SNTG1: variants seen among roughly 807,000 people sequenced by gnomAD.
SNTG1 encodes syntrophin gamma 1.
Under a neutral mutation model 74.7 loss-of-function variants are expected in SNTG1, and 39 were observed. The ratio of observed to expected loss-of-function variants is 0.52; its 90% CI spans 0.40 to 0.68. SNTG1 has a LOEUF of 0.68. SNTG1 is among the 30% of genes least tolerant of loss of function. The probability of loss-of-function intolerance (pLI) is 0.00; values close to 1 mark genes in which losing one functional copy is unlikely to be tolerated. For missense variants in SNTG1, 685 were observed against 609.5 expected (o/e 1.12, Z -1.30); for synonymous variants, 254 against 217.1 (o/e 1.17, Z -1.49).
At chr8:49,943,410 T>A (rs867928230) in intron 1 of SNTG1, among the ~76,000 whole-genome samples, 3 of 152,242 alleles carry the variant, frequency 2.0e-5, no homozygotes, top group Non-Finnish European at 4.4e-5. Flanking sequence ...AGTGCTAATA[T>A]TTTAGGATAA....
chr8:50,670,811 AC>A (rs1449147140), intron 15 of SNTG1, among the ~76,000 whole-genome samples: 1 of 150,978 alleles, frequency 6.6e-6, no homozygotes, highest in Non-Finnish European at 1.5e-5. Flanking sequence ...GGCTACAGTA[AC>A]CAAAACAGCA....
At chr8:50,658,756 T>A in intron 15 of SNTG1, 93 bp downstream of exon 15, 3 of 769,422 alleles carry the variant, frequency 3.9e-6, no homozygotes, top group Non-Finnish European at 4.2e-6. Context: ...AAATCATTCA[T>A]GGAATGAAAG....
chr8:50,229,408 T>C (rs1323948502), intron 2 of SNTG1, among the ~76,000 whole-genome samples: 6 of 151,422 alleles, frequency 4.0e-5, no homozygotes, highest in Admixed American at 2.6e-4. Context: ...GAGAAAGATA[T>C]ACTTTACTAA....
intron 1 of SNTG1, among the ~76,000 whole-genome samples, chr8:49,926,154 T>A (rs1203028829): frequency 6.6e-6 from 1 of 152,130 alleles, no homozygotes; most frequent in Admixed American, 6.6e-5. Context: ...GAAATTAATG[T>A]AAAATTTAAA....
chr8:50,096,604 TA>T (rs899464221), intron 1 of SNTG1, among the ~76,000 whole-genome samples: 2 of 152,216 alleles, frequency 1.3e-5, no homozygotes, highest in Non-Finnish European at 2.9e-5. Context: ...TTCATAATAT[TA>T]CCTACTGTCA....
chr8:50,339,583 T>G (rs996022603), intron 2 of SNTG1, among the ~76,000 whole-genome samples: 11 of 151,984 alleles, frequency 7.2e-5, no homozygotes, highest in African/African-American at 2.7e-4. Flanking sequence ...AGTCTTATAT[T>G]AGTTTTAAAT....
rs148870591 is a variant in SNTG1, at chr8:50,374,349, G to A, written c.-27-19863G>A. Among the ~76,000 whole-genome samples, 33 of 152,310 alleles carry A rather than the reference G, an allele frequency of 2.2e-4. 1 individual carries two copies. The East Asian group carries it at 4.1e-3, about 19-fold the overall frequency. ...CTGGAAGAAAGAGCATAATAACTAA[G>A]TAAATTCTGTTTAATAAAACTATAT... On this transcript the variant is annotated intron_variant, in intron 2 of 18. Coordinates refer to ENST00000642720, the MANE Select transcript of SNTG1 (RefSeq NM_018967.5).
At chr8:49,917,410 TC>T (rs1806144877) in intron 1 of SNTG1, among the ~76,000 whole-genome samples, 2 of 152,172 alleles carry the variant, frequency 1.3e-5, no homozygotes, top group Non-Finnish European at 2.9e-5. Context: ...AGACTTAAGT[TC>T]GAATCCTGTT....
rs115943155 is a variant in SNTG1 at position 50,224,767 on chromosome 8, A to C, written c.-28+52132A>C. 2.1e-3 allele frequency among the ~76,000 whole-genome samples: 318 copies of C among 152,228 alleles called. 1 individual carries two copies. Among genetic ancestry groups the C allele is most frequent in the African/African-American group, 7.3e-3 (303 of 41,550 alleles). ...GCATTAACATTGAAACAGAGACCTT[A>C]AGACTAACAAAGCAGACTCTGTAGC... On this transcript the variant is annotated intron_variant, in intron 2 of 18. Coordinates refer to ENST00000642720, the MANE Select transcript of SNTG1 (RefSeq NM_018967.5).
At chr8:50,071,957 GA>G (rs2131008460) in intron 1 of SNTG1, among the ~76,000 whole-genome samples, 1 of 152,110 alleles carries the variant, frequency 6.6e-6, no homozygotes, top group South Asian at 2.1e-4. Context: ...TTCCATTAAA[GA>G]ATACTATTTT....
intron 13 of SNTG1, among the ~76,000 whole-genome samples, chr8:50,641,302 T>G (rs1313166199): frequency 1.3e-5 from 2 of 152,214 alleles, no homozygotes; most frequent in African/African-American, 4.8e-5. Context: ...TCTCAAAAGA[T>G]AATTCTGCTT....
chr8:50,159,865 A>T (rs948918423), intron 1 of SNTG1, among the ~76,000 whole-genome samples: 1 of 152,138 alleles, frequency 6.6e-6, no homozygotes, highest in Non-Finnish European at 1.5e-5. Context: ...AACCTTAATT[A>T]TCTTGTTCTG....
chr8:50,273,402 G>A (rs535949863), intron 2 of SNTG1, among the ~76,000 whole-genome samples: 42 of 152,240 alleles, frequency 2.8e-4, no homozygotes, highest in African/African-American at 9.4e-4. Context: ...ACCTGTGCCA[G>A]GCACTGTTCT....
chr8:50,129,417 AG>A, intron 1 of SNTG1, among the ~76,000 whole-genome samples: 1 of 152,252 alleles, frequency 6.6e-6, no homozygotes, highest in Non-Finnish European at 1.5e-5. Flanking sequence ...TTTGGTTTAA[AG>A]CCAGCACCCT....
At chr8:50,112,445 A>T (rs1181517857) in intron 1 of SNTG1, among the ~76,000 whole-genome samples, 1 of 152,032 alleles carries the variant, frequency 6.6e-6, no homozygotes, top group Non-Finnish European at 1.5e-5. Context: ...ACCTTAATTA[A>T]AAAACTAGTT....
intron 8 of SNTG1, among the ~76,000 whole-genome samples, chr8:50,471,252 T>TA (rs2093652203): frequency 6.6e-6 from 1 of 151,762 alleles, no homozygotes; most frequent in African/African-American, 2.4e-5. Context: ...TAATTTTTTT[T>TA]TTTTTGGAGA....
At chr8:50,777,218 C>T (rs975381220) in intron 18 of SNTG1, among the ~76,000 whole-genome samples, 5 of 143,594 alleles carry the variant, frequency 3.5e-5, no homozygotes, top group African/African-American at 1.2e-4. Context: ...ACATGAATAG[C>T]ATATATATAT....
At chr8:50,128,693 T>C (rs1363699772) in intron 1 of SNTG1, among the ~76,000 whole-genome samples, 1 of 152,148 alleles carries the variant, frequency 6.6e-6, no homozygotes, top group African/African-American at 2.4e-5. Flanking sequence ...ACCAGCTTCA[T>C]GGAGTGTTGA....
At chr8:50,118,414 T>C (rs138434475) in intron 1 of SNTG1, among the ~76,000 whole-genome samples, 1 of 152,366 alleles carries the variant, frequency 6.6e-6, no homozygotes, top group East Asian at 1.9e-4. Context: ...AGTGTTGTTC[T>C]CAGTGCTTTA....
Sources: allele counts gnomAD v4.1 joint callset (sites outside exome capture counted in the v4.1 genomes callset), GRCh38; gene constraint gnomAD v4.1.1; transcripts MANE v1.5; gene names NCBI Gene and HGNC (gene_info 2026-07-23, HGNC 2026-07-21).